Variants in ADGRV1 observed in about 807,000 individuals in gnomAD.
The protein encoded by ADGRV1 is G-protein coupled receptor 98.
In ADGRV1, 359 loss-of-function variants were observed where a neutral mutation model predicts 596.2. The ratio of observed to expected loss-of-function variants is 0.60; its 90% CI spans 0.55 to 0.66. ADGRV1 has a LOEUF of 0.66. Among genes scored for constraint, ADGRV1 ranks in the 30% least tolerant of loss-of-function variants. ADGRV1 has a pLI of 0.00. For missense variants in ADGRV1, 7,274 were observed against 7,575.6 expected, an observed-to-expected ratio of 0.96 and a Z score of 1.48; for synonymous variants, 2,681 against 2,679.2, an observed-to-expected ratio of 1.00 and a Z score of -0.02.
At chr5:90,788,043 A>G (rs1379203339) in intron 67 of ADGRV1, 28 bp from the exon 68 acceptor site, 2 of 1,551,014 alleles carry the variant, frequency 1.3e-6, no homozygotes, top group Non-Finnish European at 1.7e-6. Context: ...TCTATTAAAG[A>G]AATACCAAAA....
At chr5:90,764,811 A>C (rs946451704) in intron 59 of ADGRV1, among the ~76,000 whole-genome samples, 1 of 152,204 alleles carries the variant, frequency 6.6e-6, no homozygotes, top group African/African-American at 2.4e-5. Flanking sequence ...CTATGGGTAC[A>C]CAACCAGTAT....
At chr5:90,976,988 A>G (rs374148023) in intron 84 of ADGRV1, among the ~76,000 whole-genome samples, 2 of 152,194 alleles carry the variant, frequency 1.3e-5, no homozygotes, top group Admixed American at 6.5e-5. Context: ...TATTTTCTCA[A>G]TATAACCAGG....
intron 88 of ADGRV1, 74 bp downstream of exon 88, chr5:91,150,295 C>CTG: frequency 8.7e-7 from 1 of 1,147,802 alleles, no homozygotes; most frequent in Non-Finnish European, 1.2e-6. Flanking sequence ...GTCTCTCTCT[C>CTG]TGTGTCTGTC....
At chr5:90,940,009 G>A (rs1046035029) in intron 83 of ADGRV1, among the ~76,000 whole-genome samples, 18 of 152,098 alleles carry the variant, frequency 1.2e-4, no homozygotes, top group African/African-American at 3.4e-4. Context: ...CAGAAATAAC[G>A]TGTTTTCTCA....
rs1407632685 is a variant in ADGRV1 at position 90,649,297 on chromosome 5, A to G, written c.3289+1533A>G. On this transcript the variant is annotated intron_variant, in intron 17 of 89. Coordinates refer to ENST00000405460, the MANE Select transcript of ADGRV1 (RefSeq NM_032119.4). The stretch of plus-strand genomic sequence containing the variant: ...GATTACAGGCGTGAAAAATGATATT[A>G]TCTTAATAGAATTTATTTACTCTAG... Among the ~76,000 whole-genome samples, 4 of 151,848 alleles carry G rather than the reference A, an allele frequency of 2.6e-5. 1 individual carries two copies. Among genetic ancestry groups the G allele is most frequent in the African/African-American group, 9.7e-5 (4 of 41,338 alleles).
At chr5:91,076,081 A>G (rs1788832999) in intron 86 of ADGRV1, among the ~76,000 whole-genome samples, 1 of 152,138 alleles carries the variant, frequency 6.6e-6, no homozygotes, top group South Asian at 2.1e-4. Context: ...TCACCTTCCC[A>G]TATTCTTTAT....
Position 90,829,058 on chromosome 5 carries a change from C to G in ADGRV1, c.16483C>G (p.Gln5495Glu). 1 of 1,612,664 alleles carries G rather than the reference C, an allele frequency of 6.2e-7. No homozygotes were observed. The highest frequency in any genetic ancestry group is 8.5e-7 in the Non-Finnish European group (1 of 1,179,074). ...QIKILESDES[Q>E]SLVYFSVGSR... is the part of the protein sequence containing the mutation. ...TAAAATCTTAGAAAGTGATGAATCTCAAAGCCTTGTGTATTTTTCTGTGGG... is the reference window on the plus strand; with the variant it reads ...TAAAATCTTAGAAAGTGATGAATCTGAAAGCCTTGTGTATTTTTCTGTGGG... The change falls in exon 77 of 90, where the codon CAA (glutamine) becomes GAA (glutamate). Residue 5495 changes from glutamine (Q) to glutamate (E), a missense_variant. Physicochemically the swap from Gln to Glu is conservative, Grantham distance 29. Coordinates refer to ENST00000405460, the MANE Select transcript of ADGRV1 (RefSeq NM_032119.4).
chr5:90,694,779 A>G, intron 33 of ADGRV1, 78 bp downstream of exon 33: 2 of 1,273,750 alleles, frequency 1.6e-6, no homozygotes, highest in Non-Finnish European at 2.1e-6. Context: ...AATTTATAAG[A>G]ATTCTTACTG....
chr5:90,992,158 A>G (rs1032837772), intron 85 of ADGRV1, among the ~76,000 whole-genome samples: 6 of 152,258 alleles, frequency 3.9e-5, no homozygotes, highest in African/African-American at 1.4e-4. Flanking sequence ...AATGGAATCT[A>G]AGAGTTAGAT....
chr5:90,697,368 A>G (rs995829158), intron 34 of ADGRV1, among the ~76,000 whole-genome samples: 16 of 152,098 alleles, frequency 1.1e-4, no homozygotes, highest in Admixed American at 7.2e-4. Context: ...GCCATTCTCT[A>G]CTGGTATGAT....
intron 87 of ADGRV1, among the ~76,000 whole-genome samples, chr5:91,148,029 C>G (rs1042805091): frequency 2.6e-5 from 4 of 152,112 alleles, no homozygotes; most frequent in Admixed American, 1.3e-4. Flanking sequence ...CATTTTACCC[C>G]CTCCCTAGAA....
At chr5:90,737,168 G>T (rs1753348358) in intron 50 of ADGRV1, among the ~76,000 whole-genome samples, 1 of 151,512 alleles carries the variant, frequency 6.6e-6, no homozygotes, top group South Asian at 2.1e-4. Flanking sequence ...TTGTCATAAG[G>T]TATCTTTTTA....
At position 90,658,057 on chromosome 5, in the gene ADGRV1, T is replaced by C. The variant is rs1485436057; in HGVS notation, c.4531T>C (p.Ser1511Pro). 1 of 1,613,954 alleles carries C rather than the reference T, an allele frequency of 6.2e-7. No homozygotes were observed. ...MPAKSDLHPI[S>P]GYLEFRQGET... ...CGCAAAAAGTGATTTACACCCAATT[T>C]CTGGATATCTGGAGTTCAGACAGGG... The change falls in exon 21 of 90, where the codon TCT becomes CCT. Residue 1511 changes from serine to proline, a missense_variant. Physicochemically the swap from Ser to Pro is moderately conservative, Grantham distance 74 (BLOSUM62 -1). This residue lies in a region of ADGRV1 where 3,643 missense variants were observed against 3,809.2 expected (regional missense o/e 0.96). Coordinates refer to ENST00000405460, the MANE Select transcript of ADGRV1 (RefSeq NM_032119.4).
At chr5:91,152,133 C>T (rs1048013670) in intron 88 of ADGRV1, among the ~76,000 whole-genome samples, 5 of 152,158 alleles carry the variant, frequency 3.3e-5, no homozygotes, top group Non-Finnish European at 5.9e-5. Flanking sequence ...CTGCATTCCT[C>T]AGAGGCATAG....
rs764931551 is a variant in ADGRV1, at chr5:90,653,882, C to T, written c.4308C>T (p.Ile1436=). 1.9e-5 allele frequency: 31 copies of T among 1,596,308 alleles called. No individual in the cohort carries two copies. Among genetic ancestry groups the T allele is most frequent in the Middle Eastern group, 1.7e-4 (1 of 6,044 alleles). ...HLLIILEDGI[I]EFYLDGNAMP... ...TAATTATCCTGGAGGATGGTATAAT[C>T]GAATTCTACCTGGATGGAAATGCAA... The change falls in exon 20 of 90, where the codon ATC becomes ATT. Residue 1436 remains isoleucine, a synonymous_variant. Transcript: ENST00000405460.
intron 1 of ADGRV1, among the ~76,000 whole-genome samples, chr5:90,568,022 G>A (rs1379206213): frequency 6.6e-6 from 1 of 152,140 alleles, no homozygotes; most frequent in Non-Finnish European, 1.5e-5. Context: ...ACAGGCATGA[G>A]CCACCATGCC....
chr5:90,680,708 A>G lies in ADGRV1; in HGVS notation c.5525-607A>G, dbSNP rs182078655. On this transcript the variant is annotated intron_variant, in intron 26 of 89. Coordinates refer to ENST00000405460, the MANE Select transcript of ADGRV1 (RefSeq NM_032119.4). ...AGTTAATTACACTATTACTTTTAGA[A>G]TTGTTCATTTTCTAGTCTGTAGACA... is the stretch of plus-strand genomic sequence containing the variant. Among the ~76,000 whole-genome samples the G allele has an allele frequency of 8.5e-5, 13 of 152,320 alleles. No homozygotes were observed. In the East Asian group the frequency reaches 2.5e-3, roughly 29 times the overall value.
chr5:90,672,146 G>C lies in ADGRV1; in HGVS notation c.4753-400G>C, dbSNP rs759957314. Among the ~76,000 whole-genome samples, 6 of 152,188 alleles carry C rather than the reference G, an allele frequency of 3.9e-5. No homozygotes were observed. In the South Asian group the frequency reaches 1.2e-3, roughly 32 times the overall value. On this transcript the variant is annotated intron_variant, in intron 21 of 89. Transcript: ENST00000405460. ...AACCCCCACCCCATTTGGTCTGTCT[G>C]TGCTGAGCCCATTATAAAATTGCAA...
rs541236380 is a variant in ADGRV1 at position 90,743,422 on chromosome 5, G to A, written c.10550-1624G>A. Reference sequence around the variant, plus strand: ...CTAAAATTGTAGAAGAGGCTCATATGTTCTTATTCTTGGTGCTATTTTAAT... The same window carrying A: ...CTAAAATTGTAGAAGAGGCTCATATATTCTTATTCTTGGTGCTATTTTAAT... On this transcript the variant is annotated intron_variant, in intron 50 of 89. Coordinates refer to ENST00000405460, the MANE Select transcript of ADGRV1 (RefSeq NM_032119.4). Among the ~76,000 whole-genome samples, 192 of 149,116 alleles carry A rather than the reference G, an allele frequency of 1.3e-3. 1 individual carries two copies. The highest frequency in any genetic ancestry group is 3.9e-3 in the African/African-American group (158 of 40,442).
Sources: allele counts gnomAD v4.1 joint callset (sites outside exome capture counted in the v4.1 genomes callset), GRCh38; gene constraint gnomAD v4.1.1; regional missense constraint gnomAD v4.1.1; transcripts MANE v1.5; gene names NCBI Gene and HGNC (gene_info 2026-07-23, HGNC 2026-07-21).